The following ZC3H6 variants were observed in gnomAD, a reference collection of about 807,000 sequenced individuals.
The protein encoded by ZC3H6 is zinc finger CCCH-type containing 6.
A neutral mutation model predicts 107.7 loss-of-function variants in ZC3H6; 40 were observed. The observed-to-expected ratio is 0.37, with a 90% CI of 0.29 to 0.48. The LOEUF (loss-of-function observed/expected upper bound fraction) is 0.48, where lower values mean the gene tolerates loss of function less well. Among genes scored for constraint, ZC3H6 ranks in the 20% least tolerant of loss-of-function variants. The probability of loss-of-function intolerance (pLI) is 0.98; values close to 1 mark genes in which losing one functional copy is unlikely to be tolerated. For synonymous variants in ZC3H6, 493 were observed against 487.9 expected (o/e 1.01, Z -0.14); for missense variants, 1,267 against 1,410.4 (o/e 0.90, Z 1.63).
chr2:112,276,333 C>T (rs1328414590), intron 1 of ZC3H6, among the ~76,000 whole-genome samples: 2 of 151,330 alleles, frequency 1.3e-5, no homozygotes, highest in Middle Eastern at 3.4e-3. Context: ...AGCGTCCCGG[C>T]TCGGTGCTGA....
rs980939177 is a variant in ZC3H6, at chr2:112,332,065, T to C, written c.3147T>C (p.Tyr1049=). The change falls in exon 12 of 12, where the codon TAT becomes TAC. Residue 1049 remains tyrosine, a synonymous_variant. Coordinates refer to ENST00000409871, the MANE Select transcript of ZC3H6 (RefSeq NM_198581.3). ...STSVLSGISL[Y]DPRDHGSSST... is the part of the protein sequence containing the mutation. The stretch of plus-strand genomic sequence containing the variant: ...CAGTTCTTAGTGGTATTAGTTTGTA[T>C]GACCCTAGGGATCACGGTTCATCAT... 6.2e-6 allele frequency: 10 copies of C among 1,613,916 alleles called. No homozygotes were observed. The Admixed American group carries it at 1.3e-4, about 22-fold the overall frequency.
chr2:112,315,655 G>A (rs868688950), intron 5 of ZC3H6, among the ~76,000 whole-genome samples: 28 of 151,878 alleles, frequency 1.8e-4, no homozygotes, highest in Admixed American at 5.2e-4. Context: ...ATGCAGTGGC[G>A]TGATCTTGGC....
At chr2:112,283,621 A>G (rs958476970) in intron 1 of ZC3H6, among the ~76,000 whole-genome samples, 2 of 152,358 alleles carry the variant, frequency 1.3e-5, no homozygotes, top group East Asian at 1.9e-4. Context: ...TTAGACATAT[A>G]GACAGAGAAG....
chr2:112,282,368 G>A (rs960773841), intron 1 of ZC3H6, among the ~76,000 whole-genome samples: 6 of 152,190 alleles, frequency 3.9e-5, no homozygotes, highest in Non-Finnish European at 7.3e-5. Context: ...GTGTCAGAGC[G>A]ATCAGACACA....
At chr2:112,288,873 C>T (rs1192151831) in intron 1 of ZC3H6, among the ~76,000 whole-genome samples, 1 of 152,144 alleles carries the variant, frequency 6.6e-6, no homozygotes, top group Non-Finnish European at 1.5e-5. Context: ...TTAGGGCAAT[C>T]ACCTACCTCA....
Position 112,311,808 on chromosome 2 carries a change from T to C in ZC3H6, c.618T>C (p.Ile206=), listed in dbSNP as rs528464572. The C allele has an allele frequency of 6.8e-6, 11 of 1,609,394 alleles. No homozygotes were observed. In the Admixed American group the frequency reaches 1.5e-4, roughly 22 times the overall value. ...AGTACATTTTAACTTTTCTAGGTAT[T>C]GAACAGAGAGTTAAAAGTTTTAATG... ...KQRMKGVQQG[I]EQRVKSFNVG... The change falls in exon 5 of 12, where the codon ATT becomes ATC. Residue 206 remains isoleucine, a synonymous_variant. Coordinates refer to ENST00000409871, the MANE Select transcript of ZC3H6 (RefSeq NM_198581.3).
chr2:112,303,399 G>C (rs1390792668), intron 3 of ZC3H6, 48 bp downstream of exon 3: 1 of 1,470,372 alleles, frequency 6.8e-7, no homozygotes, highest in Non-Finnish European at 9.4e-7. Flanking sequence ...AGCATAAAAT[G>C]TACCATTTTA....
At position 112,334,975 on chromosome 2, in the gene ZC3H6, A is replaced by G. The variant is rs545147589; in HGVS notation, c.*2487A>G. On this transcript the variant is annotated 3_prime_UTR_variant, in exon 12 of 12. Coordinates refer to ENST00000409871, the MANE Select transcript of ZC3H6 (RefSeq NM_198581.3). Reference sequence around the variant, plus strand: ...CTTAAGAGTATGGATAGGCTCATCCAATGAGATGTAACTTAGCTATTCATA... The same window carrying G: ...CTTAAGAGTATGGATAGGCTCATCCGATGAGATGTAACTTAGCTATTCATA... The G allele has an allele frequency of 3.3e-5, 5 of 152,714 alleles. No homozygotes were observed. Among genetic ancestry groups the G allele is most frequent in the African/African-American group, 1.2e-4 (5 of 41,572 alleles). 9.5% of individuals were successfully genotyped at this position (152,714 alleles called of 1,614,324 possible). A position where few individuals can be genotyped will look rare whatever the true frequency, so the allele number is the denominator to read the frequency against.
intron 2 of ZC3H6, among the ~76,000 whole-genome samples, chr2:112,301,985 A>C (rs1676387071): frequency 6.6e-6 from 1 of 151,956 alleles, no homozygotes; most frequent in South Asian, 2.1e-4. Flanking sequence ...GCAAGATGAA[A>C]TGGAAAATTT....
intron 2 of ZC3H6, among the ~76,000 whole-genome samples, chr2:112,300,670 G>A (rs779713930): frequency 2.6e-5 from 4 of 152,114 alleles, no homozygotes; most frequent in South Asian, 2.1e-4. Context: ...GTATATGATC[G>A]AGTGCTTACT....
At chr2:112,301,378 AG>A (rs1386627976) in intron 2 of ZC3H6, among the ~76,000 whole-genome samples, 3 of 152,248 alleles carry the variant, frequency 2.0e-5, no homozygotes, top group African/African-American at 7.2e-5. Flanking sequence ...TATAGGGCCA[AG>A]GAAAGAAATA....
At chr2:112,289,981 T>G (rs1309547540) in intron 1 of ZC3H6, among the ~76,000 whole-genome samples, 1 of 152,150 alleles carries the variant, frequency 6.6e-6, no homozygotes, top group Non-Finnish European at 1.5e-5. Flanking sequence ...GCTTGACCAG[T>G]TCACCCTCCT....
intron 1 of ZC3H6, among the ~76,000 whole-genome samples, chr2:112,296,674 CA>C (rs759644797): frequency 1.3e-3 from 203 of 152,212 alleles, no homozygotes; most frequent in Admixed American, 5.4e-3. Context: ...GGGAAAATTC[CA>C]GTGACTTTAC....
At chr2:112,284,770 G>A (rs1397106658) in intron 1 of ZC3H6, among the ~76,000 whole-genome samples, 1 of 152,112 alleles carries the variant, frequency 6.6e-6, no homozygotes, top group Non-Finnish European at 1.5e-5. Flanking sequence ...TGATTATGTT[G>A]TACAGAACTT....
intron 3 of ZC3H6, among the ~76,000 whole-genome samples, chr2:112,308,849 C>T (rs935994291): frequency 1.3e-5 from 2 of 151,104 alleles, no homozygotes; most frequent in South Asian, 2.1e-4. Flanking sequence ...GTCAGGAGTT[C>T]GAGACCAGCC....
In ZC3H6 at chr2:112,337,869, G is replaced by C. The variant is rs1395598837; in HGVS notation, c.*5381G>C. On this transcript the variant is annotated 3_prime_UTR_variant, in exon 12 of 12. Transcript: ENST00000409871. ...ACTCCTGGCCTCAAGTGATCCACCAGTCTTGGCCTCTCAAAGTGCTGGGAT... is the reference window on the plus strand; with the variant it reads ...ACTCCTGGCCTCAAGTGATCCACCACTCTTGGCCTCTCAAAGTGCTGGGAT... 6.6e-6 allele frequency: 1 copy of C among 152,170 alleles called. No individual in the cohort carries two copies. Among genetic ancestry groups the C allele is most frequent in the East Asian group, 1.9e-4 (1 of 5,198 alleles). 9.4% of individuals were successfully genotyped at this position (152,170 alleles called of 1,614,324 possible).
chr2:112,294,912 T>G (rs1169473115), intron 1 of ZC3H6, among the ~76,000 whole-genome samples: 5 of 152,138 alleles, frequency 3.3e-5, no homozygotes, highest in Admixed American at 3.3e-4. Context: ...GAAAAAATAT[T>G]TTTAACTATT....
chr2:112,309,332 T>C (rs1676552711), intron 3 of ZC3H6, among the ~76,000 whole-genome samples: 1 of 152,240 alleles, frequency 6.6e-6, no homozygotes, highest in African/African-American at 2.4e-5. Context: ...TAATAAACAG[T>C]TTCTAATAAG....
In ZC3H6 at chr2:112,331,772, G is replaced by A; in HGVS notation, c.2854G>A (p.Asp952Asn). ...AGAAGGCTACCTAGAACAATTTGGA[G>A]ACTCACACGGTTCAGGAGCTAAATT... Reference protein sequence around the residue: ...NREGYLEQFGDSHGSGAKLGD... With the variant: ...NREGYLEQFGNSHGSGAKLGD... Residue 952 changes from aspartate to asparagine, a missense_variant, in exon 12 of 12, where the codon GAC becomes AAC. By Grantham distance (23) the Asp-to-Asn change is conservative (BLOSUM62 1). This residue lies in a region of ZC3H6 where 925 missense variants were observed against 1,025.7 expected (regional missense o/e 0.90). Transcript: ENST00000409871. 1 of 1,613,622 alleles carries A rather than the reference G, an allele frequency of 6.2e-7. No homozygotes were observed. The highest frequency in any genetic ancestry group is 8.5e-7 in the Non-Finnish European group (1 of 1,179,806).
Sources: gnomAD v4.1 joint callset for allele counts (sites outside exome capture counted in the v4.1 genomes callset) on GRCh38, gnomAD v4.1.1 for gene constraint, gnomAD v4.1.1 regional missense constraint, MANE v1.5 for transcripts, NCBI Gene and HGNC (gene_info 2026-07-23, HGNC 2026-07-21) for gene names.